The following SPNS2 variants were observed in gnomAD, a reference collection of about 807,000 sequenced individuals.
SPNS2 encodes SPNS lysolipid transporter 2, sphingosine-1-phosphate.
Under a neutral mutation model 57.6 loss-of-function variants are expected in SPNS2, and 37 were observed. That is an observed-to-expected ratio of 0.64 (90% CI 0.49 to 0.85). SPNS2 has a LOEUF of 0.85. Ranked by LOEUF, SPNS2 falls within the 40% of genes least tolerant of loss-of-function variation. SPNS2 has a pLI of 0.00. For missense variants in SPNS2, 831 were observed against 779.1 expected (o/e 1.07, Z -0.79); for synonymous variants, 440 against 346.9 (o/e 1.27, Z -2.98).
intron 2 of SPNS2, among the ~76,000 whole-genome samples, chr17:4,523,455 C>T (rs1368052811): frequency 6.6e-6 from 1 of 151,940 alleles, no homozygotes; most frequent in Non-Finnish European, 1.5e-5. Flanking sequence ...ACAAATAAAA[C>T]ACCAGCTAAC....
In SPNS2 at chr17:4,533,721, G is replaced by T. The variant is rs1905614397; in HGVS notation, c.1279-67G>T. On this transcript the variant is annotated intron_variant, in intron 8 of 12. Transcript: ENST00000329078. Reference sequence around the variant, plus strand: ...CTCCCTGCCAGCAGCCAGTGTGTAGGGAACAGAGACTGTGGTTGCTGCGGA... The same window carrying T: ...CTCCCTGCCAGCAGCCAGTGTGTAGTGAACAGAGACTGTGGTTGCTGCGGA... 2.6e-6 allele frequency: 4 copies of T among 1,567,622 alleles called. No individual in the cohort carries two copies. In the East Asian group the frequency reaches 9.0e-5, roughly 35 times the overall value.
chr17:4,517,176 C>G (rs1466780551), intron 2 of SPNS2, among the ~76,000 whole-genome samples: 1 of 152,162 alleles, frequency 6.6e-6, no homozygotes, highest in Non-Finnish European at 1.5e-5. Flanking sequence ...TCCCACCTGG[C>G]GCTGGCTAGT....
chr17:4,532,452 G>A (rs1905529329), intron 5 of SPNS2, 90 bp from the exon 6 acceptor site: 1 of 1,573,944 alleles, frequency 6.4e-7, no homozygotes. Context: ...CTATGGCCCA[G>A]AGAAGGCATG....
At chr17:4,506,844 A>G (rs949977889) in intron 1 of SPNS2, among the ~76,000 whole-genome samples, 2 of 152,190 alleles carry the variant, frequency 1.3e-5, no homozygotes, top group African/African-American at 4.8e-5. Flanking sequence ...CAGCAGATGT[A>G]GAACAAACCC....
chr17:4,505,987 G>A (rs555078514), intron 1 of SPNS2, among the ~76,000 whole-genome samples: 17 of 152,372 alleles, frequency 1.1e-4, no homozygotes, highest in Middle Eastern at 6.8e-3. Context: ...GAAAAGGGCT[G>A]TGCCTGGGGA....
At chr17:4,502,960 A>G (rs552354172) in intron 1 of SPNS2, among the ~76,000 whole-genome samples, 1 of 152,214 alleles carries the variant, frequency 6.6e-6, no homozygotes, top group African/African-American at 2.4e-5. Flanking sequence ...CCTCCGCCCC[A>G]TGAGAACCCC....
chr17:4,536,624 T>C (rs929558413), intron 11 of SPNS2, 198 bp downstream of exon 11: 3 of 728,156 alleles, frequency 4.1e-6, no homozygotes, highest in Admixed American at 5.7e-5. Context: ...CGGGGGTGTC[T>C]GGTGGATCCA....
At position 4,538,492 on chromosome 17, in the gene SPNS2, C is replaced by T. The variant is rs1049716415; in HGVS notation, c.*1044C>T. The T allele has an allele frequency of 4.6e-6, 1 of 216,088 alleles. No individual in the cohort carries two copies. Among genetic ancestry groups the T allele is most frequent in the South Asian group, 6.8e-5 (1 of 14,652 alleles). The allele number at this position is 216,088 out of a possible 1,614,324, so 13.4% of individuals were successfully genotyped here. ...CCCAGGGGGGGGCCAGGCCTTCGAT[C>T]ACCCACCTCCCATCCATGCACACAC... On this transcript the variant is annotated 3_prime_UTR_variant, in exon 13 of 13. Transcript: ENST00000329078.
chr17:4,503,033 C>T (rs567628279), intron 1 of SPNS2, among the ~76,000 whole-genome samples: 4 of 152,212 alleles, frequency 2.6e-5, no homozygotes, highest in East Asian at 1.9e-4. Flanking sequence ...CTCTTCTTAC[C>T]GAGCGTTGCT....
chr17:4,522,635 A>G (rs1047183446), intron 2 of SPNS2, among the ~76,000 whole-genome samples: 1 of 151,974 alleles, frequency 6.6e-6, no homozygotes, highest in South Asian at 2.1e-4. Context: ...CCCACGGAGG[A>G]GCAGCCGGGA....
chr17:4,535,145 A>G (rs1383717537), intron 9 of SPNS2, among the ~76,000 whole-genome samples: 1 of 152,078 alleles, frequency 6.6e-6, no homozygotes, highest in Non-Finnish European at 1.5e-5. Flanking sequence ...GCACCCACAG[A>G]GCTGGCTGTG....
chr17:4,536,825 A>C (rs774047707), intron 11 of SPNS2, 75 bp from the exon 12 acceptor site: 2 of 1,269,316 alleles, frequency 1.6e-6, no homozygotes, highest in Non-Finnish European at 2.3e-6. Context: ...CCCCCACGAC[A>C]CGATGTGCCA....
chr17:4,505,440 A>G (rs1904647602), intron 1 of SPNS2, among the ~76,000 whole-genome samples: 1 of 152,190 alleles, frequency 6.6e-6, no homozygotes, highest in African/African-American at 2.4e-5. Context: ...AATGAGCCTC[A>G]GGGCCTGAGT....
rs1372642130 is a variant in SPNS2 at position 4,538,784 on chromosome 17, A to C, written c.*1336A>C. The C allele has an allele frequency of 1.3e-6, 1 of 746,212 alleles. No homozygotes were observed. The highest frequency in any genetic ancestry group is 1.8e-5 in the African/African-American group (1 of 57,014). The allele number at this position is 746,212 out of a possible 1,614,324, so 46.2% of individuals were successfully genotyped here. A position where few individuals can be genotyped will look rare whatever the true frequency, so the allele number is the denominator to read the frequency against. Reference sequence around the variant, plus strand: ...ACCCACCAAGCTCTGGGGTACCCCGAGGGCCTGACAAGAGGATGGGGTGGG... The same window carrying C: ...ACCCACCAAGCTCTGGGGTACCCCGCGGGCCTGACAAGAGGATGGGGTGGG... On this transcript the variant is annotated 3_prime_UTR_variant, in exon 13 of 13. Transcript: ENST00000329078.
intron 2 of SPNS2, among the ~76,000 whole-genome samples, chr17:4,518,291 G>A (rs1382987883): frequency 2.0e-5 from 3 of 152,196 alleles, no homozygotes; most frequent in African/African-American, 7.2e-5. Context: ...TTGGGAGGCT[G>A]AGGCGGGTGG....
chr17:4,536,770 C>T, intron 11 of SPNS2, 130 bp from the exon 12 acceptor site: 2 of 763,784 alleles, frequency 2.6e-6, no homozygotes, highest in South Asian at 1.5e-5. Flanking sequence ...TCCCATCTCC[C>T]CCTGGGGCTG....
At chr17:4,516,498 T>A (rs768147864) in intron 2 of SPNS2, among the ~76,000 whole-genome samples, 10 of 152,078 alleles carry the variant, frequency 6.6e-5, no homozygotes, top group Non-Finnish European at 1.0e-4. Flanking sequence ...ATTCCCTCTA[T>A]CTATGGGGGC....
intron 9 of SPNS2, among the ~76,000 whole-genome samples, 167 bp from the exon 10 acceptor site, chr17:4,535,909 G>C (rs12450809): frequency 7.8e-4 from 119 of 151,916 alleles, no homozygotes; most frequent in Admixed American, 7.6e-3. Context: ...GTGGGCAGTA[G>C]AGGGGACTGT....
chr17:4,528,561 T>C (rs1281557180), intron 3 of SPNS2, among the ~76,000 whole-genome samples: 3 of 150,014 alleles, frequency 2.0e-5, no homozygotes, highest in Non-Finnish European at 4.5e-5. Context: ...CACCCCCTCC[T>C]CCACCACCAG....
Sources: allele counts gnomAD v4.1 joint callset (sites outside exome capture counted in the v4.1 genomes callset), GRCh38; gene constraint gnomAD v4.1.1; transcripts MANE v1.5; gene names NCBI Gene and HGNC (gene_info 2026-07-23, HGNC 2026-07-21).